The following NYAP2 variants were observed in gnomAD, a reference collection of about 807,000 sequenced individuals.
NYAP2 encodes the protein neuronal tyrosine-phosphorylated phosphoinositide-3-kinase adaptor 2, also known as neuronal tyrosine-phosphorylated phosphoinositide-3-kinase adapter 2.
NYAP2 carries 23 observed loss-of-function variants against 50.4 expected under a neutral mutation model. That is an observed-to-expected ratio of 0.46 (90% CI 0.33 to 0.65). The LOEUF (loss-of-function observed/expected upper bound fraction) is 0.65, where lower values mean the gene tolerates loss of function less well. Ranked by LOEUF, NYAP2 falls within the 30% of genes least tolerant of loss-of-function variation. The pLI is 0.02. For synonymous variants in NYAP2, 394 were observed against 365.2 expected, an observed-to-expected ratio of 1.08 and a Z score of -0.90; for missense variants, 885 against 861.0, an observed-to-expected ratio of 1.03 and a Z score of -0.35.
chr2:225,502,956 A>G (rs1190468470), intron 3 of NYAP2, among the ~76,000 whole-genome samples: 1 of 152,246 alleles, frequency 6.6e-6, no homozygotes, highest in Non-Finnish European at 1.5e-5. Flanking sequence ...TCCTCAAGAC[A>G]GAGTTGTTTT....
intron 3 of NYAP2, among the ~76,000 whole-genome samples, chr2:225,481,570 T>C (rs1158141541): frequency 2.6e-5 from 4 of 152,176 alleles, no homozygotes; most frequent in Non-Finnish European, 5.9e-5. Context: ...GTTACTAATT[T>C]ATTAATTTTT....
chr2:225,495,070 TG>T (rs1288508062), intron 3 of NYAP2, among the ~76,000 whole-genome samples: 8 of 152,200 alleles, frequency 5.3e-5, no homozygotes, highest in South Asian at 2.1e-4. Flanking sequence ...TTTACATGTG[TG>T]CTTATTTTAA....
intron 3 of NYAP2, among the ~76,000 whole-genome samples, chr2:225,423,876 A>T (rs1695250702): frequency 6.6e-6 from 1 of 152,202 alleles, no homozygotes; most frequent in African/African-American, 2.4e-5. Flanking sequence ...CAGTCAATTT[A>T]GTTAATAAAA....
At chr2:225,647,088 A>G (rs1693648083) in intron 6 of NYAP2, among the ~76,000 whole-genome samples, 1 of 152,188 alleles carries the variant, frequency 6.6e-6, no homozygotes, top group African/African-American at 2.4e-5. Context: ...AGATGATAAT[A>G]TCTTCAACAT....
At chr2:225,439,202 C>T (rs1323551154) in intron 3 of NYAP2, among the ~76,000 whole-genome samples, 3 of 151,970 alleles carry the variant, frequency 2.0e-5, no homozygotes, top group Non-Finnish European at 4.4e-5. Context: ...AAAGGATGTA[C>T]TTGAGGAAAG....
chr2:225,611,901 TACACAC>T (rs147331159), intron 5 of NYAP2, among the ~76,000 whole-genome samples: 31,312 of 145,274 alleles, frequency 0.22, 3,835 homozygotes, highest in African/African-American at 0.34. Flanking sequence ...TGTGTGTGTA[TACACAC>T]ACACACACAC....
the NYAP2 span, among the ~76,000 whole-genome samples, chr2:225,696,485 A>C: frequency 1.3e-5 from 2 of 152,126 alleles, no homozygotes; most frequent in African/African-American, 2.4e-5. Context: ...TCAGATAAAG[A>C]AGCCAGGAAG....
intron 5 of NYAP2, among the ~76,000 whole-genome samples, chr2:225,611,903 C>T (rs998645309): frequency 6.5e-3 from 1 of 154 alleles, no homozygotes; most frequent in Non-Finnish European, 9.1e-3. Context: ...TGTGTGTATA[C>T]ACACACACAC....
At chr2:225,451,934 C>T (rs932412745) in intron 3 of NYAP2, among the ~76,000 whole-genome samples, 4 of 152,096 alleles carry the variant, frequency 2.6e-5, no homozygotes, top group South Asian at 2.1e-4. Context: ...CTCTCTCTCT[C>T]TCATTACATA....
chr2:225,454,002 T>G (rs570216350), intron 3 of NYAP2, among the ~76,000 whole-genome samples: 1 of 152,106 alleles, frequency 6.6e-6, no homozygotes, highest in Non-Finnish European at 1.5e-5. Context: ...TATAGAGCAA[T>G]TAATATTTTT....
At chr2:225,490,721 T>A (rs1690389191) in intron 3 of NYAP2, among the ~76,000 whole-genome samples, 2 of 152,340 alleles carry the variant, frequency 1.3e-5, no homozygotes, top group African/African-American at 4.8e-5. Flanking sequence ...TGGGGCCTGA[T>A]GAGACACATT....
At chr2:225,428,414 C>T (rs1027365558) in intron 3 of NYAP2, among the ~76,000 whole-genome samples, 1 of 152,160 alleles carries the variant, frequency 6.6e-6, no homozygotes, top group African/African-American at 2.4e-5. Context: ...CCCTCTAGTC[C>T]ATAGCTCAGC....
At chr2:225,597,512 A>AATATATATATATAT in intron 5 of NYAP2, among the ~76,000 whole-genome samples, 2,521 of 46,098 alleles carry the variant, frequency 0.055, 686 homozygotes, top group Middle Eastern at 0.12. Context: ...TCCAAGGAGA[A>AATATATATATATAT]ATATATATAT....
chr2:225,698,722 T>C, the NYAP2 span: 1 of 151,970 alleles, frequency 6.6e-6, no homozygotes, highest in Non-Finnish European at 1.5e-5. Context: ...AAGGCACACT[T>C]ATTTATCCCG....
At chr2:225,414,177 C>A (rs1695088643) in intron 3 of NYAP2, among the ~76,000 whole-genome samples, 1 of 152,140 alleles carries the variant, frequency 6.6e-6, no homozygotes, top group Admixed American at 6.6e-5. Flanking sequence ...CTTTCTCATA[C>A]CTTCACTTCC....
intron 3 of NYAP2, among the ~76,000 whole-genome samples, chr2:225,438,727 T>C (rs1356607069): frequency 6.6e-6 from 1 of 152,222 alleles, no homozygotes; most frequent in Non-Finnish European, 1.5e-5. Context: ...TAGTTAACAC[T>C]GACCTTTGTT....
At chr2:225,418,004 G>GAA (rs11447656) in intron 3 of NYAP2, among the ~76,000 whole-genome samples, 6 of 150,494 alleles carry the variant, frequency 4.0e-5, no homozygotes, top group South Asian at 2.1e-4. Context: ...CAAATTCTGT[G>GAA]AAAAAAAAAT....
intron 4 of NYAP2, among the ~76,000 whole-genome samples, chr2:225,518,741 A>G (rs1211651689): frequency 6.7e-6 from 1 of 149,254 alleles, no homozygotes; most frequent in East Asian, 2.0e-4. Context: ...TAAATAGGCC[A>G]GGCATGGTGG....
chr2:225,690,704 T>A, the NYAP2 span, among the ~76,000 whole-genome samples: 1 of 152,116 alleles, frequency 6.6e-6, no homozygotes, highest in Admixed American at 6.6e-5. Flanking sequence ...GTAACTGACA[T>A]ATTTAGAATA....
Sources: allele counts gnomAD v4.1 joint callset (sites outside exome capture counted in the v4.1 genomes callset), GRCh38; gene constraint gnomAD v4.1.1; transcripts MANE v1.5; gene names NCBI Gene and HGNC (gene_info 2026-07-23, HGNC 2026-07-21).